RFX3: variants seen among roughly 807,000 people sequenced by gnomAD.
RFX3 encodes transcription factor RFX3.
A neutral mutation model predicts 98.6 loss-of-function variants in RFX3; 14 were observed. That is an observed-to-expected ratio of 0.14 (90% confidence interval 0.09 to 0.22). The LOEUF (loss-of-function observed/expected upper bound fraction) is 0.22, where lower values mean the gene tolerates loss of function less well. Among genes scored for constraint, RFX3 ranks in the 10% least tolerant of loss-of-function variants. RFX3 has a pLI of 1.00. For synonymous variants in RFX3, 383 were observed against 328.4 expected (o/e 1.17, Z -1.80); for missense variants, 639 against 926.9 (o/e 0.69, Z 4.03).
intron 1 of RFX3, among the ~76,000 whole-genome samples, chr9:3,421,697 T>G (rs1198135806): frequency 6.6e-6 from 1 of 152,220 alleles, no homozygotes; most frequent in African/African-American, 2.4e-5. Context: ...GCTCGTTTAT[T>G]GTCTTTGTAG....
chr9:3,473,012 A>G (rs1386607244), intron 1 of RFX3, among the ~76,000 whole-genome samples: 1 of 152,128 alleles, frequency 6.6e-6, no homozygotes, highest in Non-Finnish European at 1.5e-5. Context: ...TAATTAAAAC[A>G]CTCATTAAAA....
intron 1 of RFX3, among the ~76,000 whole-genome samples, chr9:3,479,106 T>G (rs1471437817): frequency 6.6e-6 from 1 of 152,180 alleles, no homozygotes; most frequent in Non-Finnish European, 1.5e-5. Flanking sequence ...ACCACTAAGC[T>G]GGAGAGAGAG....
intron 1 of RFX3, among the ~76,000 whole-genome samples, chr9:3,490,927 A>C (rs1200547594): frequency 6.6e-6 from 1 of 152,150 alleles, no homozygotes; most frequent in East Asian, 1.9e-4. Flanking sequence ...AATGATATAC[A>C]AACATACTTA....
At chr9:3,433,238 C>T (rs1238651150) in intron 1 of RFX3, among the ~76,000 whole-genome samples, 1 of 152,034 alleles carries the variant, frequency 6.6e-6, no homozygotes, top group East Asian at 1.9e-4. Flanking sequence ...CAAAGTGTGC[C>T]TGCCTCCCCT....
intron 1 of RFX3, among the ~76,000 whole-genome samples, chr9:3,421,699 T>C (rs1843455790): frequency 6.6e-6 from 1 of 152,182 alleles, no homozygotes; most frequent in African/African-American, 2.4e-5. Context: ...TCGTTTATTG[T>C]CTTTGTAGGT....
chr9:3,309,113 G>C (rs1309834650), intron 4 of RFX3, among the ~76,000 whole-genome samples: 1 of 152,126 alleles, frequency 6.6e-6, no homozygotes, highest in Non-Finnish European at 1.5e-5. Context: ...AAAATGCATA[G>C]ATTCTGTACG....
At chr9:3,468,039 G>T (rs543775215) in intron 1 of RFX3, among the ~76,000 whole-genome samples, 1 of 152,118 alleles carries the variant, frequency 6.6e-6, no homozygotes, top group Non-Finnish European at 1.5e-5. Flanking sequence ...CTGACCAAAA[G>T]AAACTACCAA....
At chr9:3,486,234 T>G (rs1471703739) in intron 1 of RFX3, among the ~76,000 whole-genome samples, 1 of 150,266 alleles carries the variant, frequency 6.7e-6, no homozygotes, top group African/African-American at 2.4e-5. Flanking sequence ...CTACCAAATA[T>G]CCCTCTCTAC....
At chr9:3,302,801 T>C (rs932034296) in intron 4 of RFX3, among the ~76,000 whole-genome samples, 6 of 151,812 alleles carry the variant, frequency 4.0e-5, no homozygotes, top group African/African-American at 1.4e-4. Flanking sequence ...TAAAACACTT[T>C]ATACACAAAA....
intron 1 of RFX3, among the ~76,000 whole-genome samples, chr9:3,410,161 C>CTGTGTG (rs555349379): frequency 0.13 from 14,945 of 113,950 alleles, 1,195 homozygotes; most frequent in Middle Eastern, 0.18. Flanking sequence ...GTGAGATAAA[C>CTGTGTG]TGTGTGTGTG....
chr9:3,467,641 C>G (rs1265810807), intron 1 of RFX3, among the ~76,000 whole-genome samples: 1 of 151,948 alleles, frequency 6.6e-6, no homozygotes, highest in Non-Finnish European at 1.5e-5. Flanking sequence ...AGACATCCAA[C>G]AGAATAACTA....
intron 1 of RFX3, among the ~76,000 whole-genome samples, chr9:3,483,011 A>T (rs2133383358): frequency 6.6e-6 from 1 of 152,346 alleles, no homozygotes; most frequent in African/African-American, 2.4e-5. Flanking sequence ...TACCAAGAGT[A>T]TAAGCAGTTT....
chr9:3,387,777 C>T (rs917622346), intron 2 of RFX3, among the ~76,000 whole-genome samples: 3 of 151,884 alleles, frequency 2.0e-5, no homozygotes, highest in Non-Finnish European at 4.4e-5. Flanking sequence ...AAGAGCAAAC[C>T]GGAGAAAAAT....
chr9:3,344,641 C>G, intron 3 of RFX3: 1 of 568,678 alleles, frequency 1.8e-6, no homozygotes, highest in Non-Finnish European at 3.1e-6. Context: ...ACAACAGACA[C>G]GAAAGCTACA....
Position 3,306,404 on chromosome 9 carries a change from G to A in RFX3, c.475-4784C>T, listed in dbSNP as rs535059918. Among the ~76,000 whole-genome samples the A allele has an allele frequency of 3.3e-5, 5 of 151,922 alleles. No individual in the cohort carries two copies. The South Asian group carries it at 6.2e-4, about 19-fold the overall frequency. On this transcript the variant is annotated intron_variant, in intron 4 of 16. Coordinates refer to ENST00000617270, the MANE Select transcript of RFX3 (RefSeq NM_001282116.2). ...GTGTGCTGCTGATAGTGGGAAATTC[G>A]TTAAACTAGCAGAGTTTCATAAATA...
At chr9:3,369,899 C>A (rs6476418) in intron 2 of RFX3, among the ~76,000 whole-genome samples, 4 of 151,970 alleles carry the variant, frequency 2.6e-5, no homozygotes, top group Admixed American at 6.5e-5. Flanking sequence ...GCGCCATCTC[C>A]GCTCACTGCA....
In RFX3 at chr9:3,382,399, T is replaced by A. The variant is rs184686065; in HGVS notation, c.117+13073A>T. 1.7e-3 allele frequency among the ~76,000 whole-genome samples: 262 copies of A among 152,270 alleles called. 1 individual carries two copies. The highest frequency in any genetic ancestry group is 1.7e-3 in the Non-Finnish European group (118 of 68,006). ...TGAATTTGGGTGAGTTTAACTTTTT[T>A]AAAAAAATACTGATCAATTGATTTA... On this transcript the variant is annotated intron_variant, in intron 2 of 16. Coordinates refer to ENST00000617270, the MANE Select transcript of RFX3 (RefSeq NM_001282116.2).
intron 14 of RFX3, among the ~76,000 whole-genome samples, chr9:3,253,896 C>G (rs145118543): frequency 8.4e-4 from 127 of 152,064 alleles, no homozygotes; most frequent in Non-Finnish European, 1.6e-3. Flanking sequence ...TTTCATTACT[C>G]AATATGTTCT....
intron 10 of RFX3, 40 bp from the exon 11 acceptor site, chr9:3,270,565 G>T: frequency 1.9e-6 from 3 of 1,587,424 alleles, no homozygotes; most frequent in Non-Finnish European, 1.7e-6. Context: ...GATGGCAAAT[G>T]AGGATAAAAA....
Sources: gnomAD v4.1 joint callset for allele counts (sites outside exome capture counted in the v4.1 genomes callset) on GRCh38, gnomAD v4.1.1 for gene constraint, MANE v1.5 for transcripts, NCBI Gene and HGNC (gene_info 2026-07-23, HGNC 2026-07-21) for gene names.